The following CHI3L1 variants were observed in gnomAD, a reference collection of about 807,000 sequenced individuals.
The protein encoded by CHI3L1 is chitinase 3 like 1.
In CHI3L1, 30 loss-of-function variants were observed where a neutral mutation model predicts 40.7. That is an observed-to-expected ratio of 0.74 (90% CI 0.55 to 1.00). The LOEUF is 1.00. Ranked by LOEUF, CHI3L1 falls within the 50% of genes least tolerant of loss-of-function variation. The probability of loss-of-function intolerance (pLI) is 0.00; values close to 1 mark genes in which losing one functional copy is unlikely to be tolerated. For synonymous variants in CHI3L1, 210 were observed against 192.1 expected (o/e 1.09, Z -0.77); for missense variants, 493 against 492.2 (o/e 1.00, Z -0.01).
At chr1:203,184,769 T>C (rs905938108) in intron 3 of CHI3L1, 137 bp from the exon 4 acceptor site, 155 of 688,496 alleles carry the variant, frequency 2.3e-4, no homozygotes, top group Non-Finnish European at 7.6e-5. Context: ...TGTCCTCCCA[T>C]AGGACATCAT....
intron 9 of CHI3L1, 64 bp downstream of exon 9, chr1:203,179,697 G>C (rs1214701625): frequency 1.2e-6 from 2 of 1,614,104 alleles, no homozygotes; most frequent in Admixed American, 3.3e-5. Flanking sequence ...ACAGGAATCT[G>C]GCTGCTGGGA....
chr1:203,179,482 A>T lies in CHI3L1; in HGVS notation c.1115T>A (p.Leu372His). ...GAGTGCATCCTTGATGGCATTGGTG[A>T]GAGGGAAGCGCAGATCCTGGCCACA... ...SFCGQDLRFPLTNAIKDALAA... is the reference protein window; with the variant it reads ...SFCGQDLRFPHTNAIKDALAA... Residue 372 changes from leucine (L) to histidine (H), a missense_variant, in exon 10 of 10, where the codon CTC (leucine) becomes CAC (histidine). Transcript: ENST00000255409. 1.3e-6 allele frequency: 2 copies of T among 1,561,158 alleles called. No homozygotes were observed. The highest frequency in any genetic ancestry group is 1.7e-6 in the Non-Finnish European group (2 of 1,152,288).
Position 203,185,409 on chromosome 1 carries a change from G to A in CHI3L1, c.56-24C>T, listed in dbSNP as rs879110751. ...GCCTGAAGGAGAAGTCTGGGATGGG[G>A]CCCGGGCCAGGATTCGGCAAGAGAC... On this transcript the variant is annotated intron_variant, in intron 2 of 9. Transcript: ENST00000255409. 5 of 1,608,860 alleles carry A rather than the reference G, an allele frequency of 3.1e-6. No individual in the cohort carries two copies. The Admixed American group carries it at 6.7e-5, about 21-fold the overall frequency.
chr1:203,179,934 C>T lies in CHI3L1; in HGVS notation c.895-57G>A, dbSNP rs186540332. 255 of 1,508,222 alleles carry T rather than the reference C, an allele frequency of 1.7e-4. No individual in the cohort carries two copies. The African/African-American group carries it at 3.2e-3, about 19-fold the overall frequency. The allele number at this position is 1,508,222 out of a possible 1,614,324, so 93.4% of individuals were successfully genotyped here. Reference sequence around the variant, plus strand: ...GGAGTCGTGCCGAGACCTTGCAGGTCACCAGGAGACGCCACTCTCCAAATC... The same window carrying T: ...GGAGTCGTGCCGAGACCTTGCAGGTTACCAGGAGACGCCACTCTCCAAATC... On this transcript the variant is annotated intron_variant, in intron 8 of 9. Coordinates refer to ENST00000255409, the MANE Select transcript of CHI3L1 (RefSeq NM_001276.4).
In CHI3L1 at chr1:203,185,192, G is replaced by A; in HGVS notation, c.249C>T (p.Leu83=). ...DVTLYGMLNT[L]KNRNPNLKTL... ...GCCAGCCCTGGCCCAACCTGTTCTTGAGTGTGTTGAGCATGCCGTAGAGCG... is the reference window on the plus strand; with the variant it reads ...GCCAGCCCTGGCCCAACCTGTTCTTAAGTGTGTTGAGCATGCCGTAGAGCG... The change falls in exon 3 of 10, where the codon CTC becomes CTT. Residue 83 remains leucine (L), a synonymous_variant. Coordinates refer to ENST00000255409, the MANE Select transcript of CHI3L1 (RefSeq NM_001276.4). 1 of 1,613,842 alleles carries A rather than the reference G, an allele frequency of 6.2e-7. No homozygotes were observed. Among genetic ancestry groups the A allele is most frequent in the Non-Finnish European group, 8.5e-7 (1 of 1,179,904 alleles).
intron 6 of CHI3L1, 82 bp downstream of exon 6, chr1:203,182,649 T>G (rs1364488532): frequency 2.0e-6 from 3 of 1,525,582 alleles, no homozygotes; most frequent in Non-Finnish European, 2.7e-6. Flanking sequence ...TCAGTCTACA[T>G]GGAGTGCTAG....
chr1:203,185,659 G>T (rs1308436186), intron 2 of CHI3L1, among the ~76,000 whole-genome samples: 1 of 152,220 alleles, frequency 6.6e-6, no homozygotes, highest in Non-Finnish European at 1.5e-5. Context: ...TGTGGGGGAA[G>T]GGTAGGAGCT....
In CHI3L1 at chr1:203,179,390, G is replaced by T. The variant is rs1288678356; in HGVS notation, c.*55C>A. 6.8e-7 allele frequency: 1 copy of T among 1,476,990 alleles called. No homozygotes were observed. Among genetic ancestry groups the T allele is most frequent in the Admixed American group, 2.3e-5 (1 of 43,982 alleles). 91.5% of individuals were successfully genotyped at this position (1,476,990 alleles called of 1,614,324 possible). ...AGGTGATCAGGCTCCCGGCCAGCTG[G>T]AGCCAGAGGGGGACGGGGCATCCTT... On this transcript the variant is annotated 3_prime_UTR_variant, in exon 10 of 10. Transcript: ENST00000255409.
At position 203,179,770 on chromosome 1, in the gene CHI3L1, G is replaced by A. The variant is rs1437880309; in HGVS notation, c.1002C>T (p.Val334=). 6.2e-7 allele frequency: 1 copy of A among 1,614,076 alleles called. No individual in the cohort carries two copies. Among genetic ancestry groups the A allele is most frequent in the Non-Finnish European group, 8.5e-7 (1 of 1,180,044 alleles). The change falls in exon 9 of 10, where the codon GTC becomes GTT. Residue 334 remains valine, a synonymous_variant. Coordinates refer to ENST00000255409, the MANE Select transcript of CHI3L1 (RefSeq NM_001276.4). The part of the protein sequence containing the change: ...QWVGYDDQES[V]KSKVQYLKDR... ...CCTTGGGGAAACCTACCTTGCTTTTGACGCTTTCCTGGTCGTCGTATCCTA... is the reference window on the plus strand; with the variant it reads ...CCTTGGGGAAACCTACCTTGCTTTTAACGCTTTCCTGGTCGTCGTATCCTA...
intron 8 of CHI3L1, 65 bp downstream of exon 8, chr1:203,180,405 G>T: frequency 7.1e-7 from 1 of 1,399,994 alleles, no homozygotes; most frequent in Non-Finnish European, 9.6e-7. Flanking sequence ...AACGTGGTGG[G>T]GAATCACCTT....
rs1019615633 is a variant in CHI3L1, at chr1:203,183,799, C to A, written c.315-8G>T. On this transcript the variant is annotated splice_polypyrimidine_tract_variant and splice_region_variant and intron_variant, in intron 4 of 9. Coordinates refer to ENST00000255409, the MANE Select transcript of CHI3L1 (RefSeq NM_001276.4). ...GAGGCTATCTTGGAAAATCTAGGAC[C>A]AAAATCAGCCCTGTAGCATGCTCAG... 4 of 1,613,954 alleles carry A rather than the reference C, an allele frequency of 2.5e-6. No individual in the cohort carries two copies. In the African/African-American group the frequency reaches 4.0e-5, roughly 16 times the overall value.
At chr1:203,184,669 AATGACATTGTC>A in intron 3 of CHI3L1, 37 bp from the exon 4 acceptor site, 1 of 1,576,376 alleles carries the variant, frequency 6.3e-7, no homozygotes, top group Non-Finnish European at 8.7e-7. Flanking sequence ...GCAGGAGTGG[AATGACATTGTC>A]ATGACACTGG....
At position 203,180,522 on chromosome 1, in the gene CHI3L1, G is replaced by A. The variant is rs370805361; in HGVS notation, c.842C>T (p.Pro281Leu). The change falls in exon 8 of 10, where the codon CCG (proline) becomes CTG (leucine). Residue 281 changes from proline (P) to leucine (L), a missense_variant. Transcript: ENST00000255409. ...CTTGGTGAACCGGCCTGGAATTCCC[G>A]GTCCTGAGATTGGGGCTCCAACACC... ...ETGVGAPISG[P>L]GIPGRFTKEA... The A allele has an allele frequency of 1.1e-5, 18 of 1,610,048 alleles. No homozygotes were observed. The highest frequency in any genetic ancestry group is 4.4e-5 in the South Asian group (4 of 90,576).
At chr1:203,181,467 G>A (rs1242065119) in intron 6 of CHI3L1, 182 bp from the exon 7 acceptor site, 4 of 502,672 alleles carry the variant, frequency 8.0e-6, no homozygotes, top group African/African-American at 4.0e-5. Flanking sequence ...CTCTAACTAC[G>A]AAAATTAGCC....
chr1:203,184,734 G>T, intron 3 of CHI3L1, 102 bp from the exon 4 acceptor site: 2 of 993,964 alleles, frequency 2.0e-6, no homozygotes, highest in Non-Finnish European at 3.2e-6. Context: ...CCTGCTTTGG[G>T]TGAGAGGCTG....
At position 203,181,139 on chromosome 1, in the gene CHI3L1, C is replaced by A. The variant is rs1234501825; in HGVS notation, c.711+23G>T. The A allele has an allele frequency of 3.1e-6, 5 of 1,612,790 alleles. 1 individual carries two copies. Among genetic ancestry groups the A allele is most frequent in the South Asian group, 2.2e-5 (2 of 90,948 alleles). On this transcript the variant is annotated intron_variant, in intron 7 of 9. Transcript: ENST00000255409. The stretch of plus-strand genomic sequence containing the variant: ...GCAGGTCTTGCGGCCCCCTCCTGGC[C>A]CTCCCTCCTTCTGGGAACTCACAGT...
In CHI3L1 at chr1:203,181,164, T is replaced by C. The variant is rs1032504295; in HGVS notation, c.709A>G (p.Thr237Ala). The C allele has an allele frequency of 6.2e-7, 1 of 1,613,930 alleles. No homozygotes were observed. The highest frequency in any genetic ancestry group is 1.3e-5 in the African/African-American group (1 of 75,024). Residue 237 changes from threonine to alanine, a missense_variant and splice_region_variant, in exon 7 of 10, where the codon ACT (threonine) becomes GCT (alanine). By Grantham distance (58) the Thr-to-Ala change is moderately conservative. Coordinates refer to ENST00000255409, the MANE Select transcript of CHI3L1 (RefSeq NM_001276.4). ...CCTCCCTCCTTCTGGGAACTCACAG[T>C]GTTGCTGAATCTGTCAGGACTTGCA... ...EDASPDRFSN[T>A]DYAVGYMLRL...
chr1:203,180,433 G>T, intron 8 of CHI3L1, 37 bp downstream of exon 8: 1 of 1,495,262 alleles, frequency 6.7e-7, no homozygotes, highest in Non-Finnish European at 8.9e-7. Flanking sequence ...GCTGCTGGTG[G>T]TGTGGGGGAA....
In CHI3L1 at chr1:203,183,865, C is replaced by T. The variant is rs1464081512; in HGVS notation, c.315-74G>A. ...TGCCTTGGGCCTCTGGTGGGGTTTC[C>T]AGGACCTGCAGAGCTGGGATCCTGA... On this transcript the variant is annotated intron_variant, in intron 4 of 9. Coordinates refer to ENST00000255409, the MANE Select transcript of CHI3L1 (RefSeq NM_001276.4). 2.6e-6 allele frequency: 4 copies of T among 1,535,488 alleles called. No individual in the cohort carries two copies. In the East Asian group the frequency reaches 6.8e-5, roughly 26 times the overall value.
Sources: gnomAD v4.1 joint callset for allele counts (sites outside exome capture counted in the v4.1 genomes callset) on GRCh38, gnomAD v4.1.1 for gene constraint, MANE v1.5 for transcripts, NCBI Gene and HGNC (gene_info 2026-07-23, HGNC 2026-07-21) for gene names.